Variants in ADGRG6 observed in about 807,000 individuals in gnomAD.
The protein encoded by ADGRG6 is G-protein coupled receptor 126.
ADGRG6 carries 84 observed loss-of-function variants against 142.4 expected under a neutral mutation model. That is an observed-to-expected ratio of 0.59 (90% CI 0.49 to 0.71). The LOEUF (loss-of-function observed/expected upper bound fraction) is 0.71, where lower values mean the gene tolerates loss of function less well. Among genes scored for constraint, ADGRG6 ranks in the 30% least tolerant of loss-of-function variants. The pLI, the probability that ADGRG6 is intolerant of heterozygous loss-of-function variation, is 0.00. For synonymous variants in ADGRG6, 521 were observed against 520.5 expected, an observed-to-expected ratio of 1.00 and a Z score of -0.01; for missense variants, 1,367 against 1,466.6, an observed-to-expected ratio of 0.93 and a Z score of 1.11.
intron 12 of ADGRG6, among the ~76,000 whole-genome samples, chr6:142,402,351 TA>T (rs1344522986): frequency 6.6e-6 from 1 of 152,132 alleles, no homozygotes; most frequent in African/African-American, 2.4e-5. Context: ...AAATATACAC[TA>T]ATTCAGGGAT....
In ADGRG6 at chr6:142,417,306, C is replaced by T. The variant is rs200450467; in HGVS notation, c.2972C>T (p.Ala991Val). 201 of 1,603,284 alleles carry T rather than the reference C, an allele frequency of 1.3e-4. 1 individual carries two copies. Among genetic ancestry groups the T allele is most frequent in the Middle Eastern group, 9.9e-4 (6 of 6,044 alleles). The change falls in exon 21 of 25, where the codon GCG becomes GTG. Residue 991 changes from alanine to valine, a missense_variant. Ala to Val is a moderately conservative substitution (Grantham distance 64, BLOSUM62 0). Transcript: ENST00000367609. ...LPALVVSVVL[A>V]SRNNNEVYGK... ...GCCTTAGTGGTGTCAGTTGTTCTAGCGAGCAGAAACAACAATGAAGTCTAT... is the reference window on the plus strand; with the variant it reads ...GCCTTAGTGGTGTCAGTTGTTCTAGTGAGCAGAAACAACAATGAAGTCTAT...
chr6:142,402,717 A>C lies in ADGRG6; in HGVS notation c.1842A>C (p.Lys614Asn), dbSNP rs1775584189. The C allele has an allele frequency of 1.2e-6, 2 of 1,602,374 alleles. No individual in the cohort carries two copies. Among genetic ancestry groups the C allele is most frequent in the Admixed American group, 1.7e-5 (1 of 59,902 alleles). The change falls in exon 13 of 25, where the codon AAA becomes AAC. Residue 614 changes from lysine to asparagine, a missense_variant. By Grantham distance (94) the Lys-to-Asn change is moderately conservative. Around this residue, in one of 3 missense-constraint regions of ADGRG6, gnomAD observed 737 missense variants for 746.5 expected, o/e 0.99. Transcript: ENST00000367609. ...ANITNIVEQV[K>N]RIVNKEENID... ...TTACCAACATTGTGGAACAGGTCAA[A>C]AGAATTGTGAATAAAGAAGAAAACA...
At chr6:142,324,592 T>C (rs190898025) in intron 2 of ADGRG6, among the ~76,000 whole-genome samples, 1 of 152,186 alleles carries the variant, frequency 6.6e-6, no homozygotes, top group East Asian at 1.9e-4. Context: ...GATAGAAAGA[T>C]AGGTAGTTTT....
In ADGRG6 at chr6:142,445,076, CT is replaced by C. The variant is rs2115236359; in HGVS notation, c.*1565del. ...CACAGCAACCCAAGGGACCTCTCAC[CT>C]TTTGCTGAGCTTCAATCAGGAAGCT... On this transcript the variant is annotated 3_prime_UTR_variant, in exon 25 of 25. Transcript: ENST00000367609. 6.6e-6 allele frequency: 1 copy of C among 152,226 alleles called. No homozygotes were observed. The highest frequency in any genetic ancestry group is 2.4e-5 in the African/African-American group (1 of 41,548). 9.4% of individuals were successfully genotyped at this position (152,226 alleles called of 1,614,324 possible). A position where few individuals can be genotyped will look rare whatever the true frequency, so the allele number is the denominator to read the frequency against.
chr6:142,380,415 G>A (rs1781717431), intron 4 of ADGRG6, among the ~76,000 whole-genome samples: 1 of 152,110 alleles, frequency 6.6e-6, no homozygotes, highest in Non-Finnish European at 1.5e-5. Flanking sequence ...CACCACTCAA[G>A]GTTCTAGTGT....
intron 18 of ADGRG6, among the ~76,000 whole-genome samples, chr6:142,411,671 A>C (rs1011149369): frequency 3.9e-5 from 6 of 152,150 alleles, no homozygotes; most frequent in African/African-American, 1.4e-4. Context: ...CCCAGAAACA[A>C]GAAAATCCTC....
At chr6:142,377,009 A>C (rs74471168) in intron 4 of ADGRG6, among the ~76,000 whole-genome samples, 1,761 of 152,288 alleles carry the variant, frequency 0.012, 38 homozygotes, top group African/African-American at 0.039. Context: ...ATAATTTGGA[A>C]AGTACAACAG....
At chr6:142,357,038 C>G (rs1203917338) in intron 2 of ADGRG6, among the ~76,000 whole-genome samples, 1 of 152,160 alleles carries the variant, frequency 6.6e-6, no homozygotes, top group Non-Finnish European at 1.5e-5. Context: ...AAGTTTAGGT[C>G]TGGGGAAGAT....
intron 24 of ADGRG6, among the ~76,000 whole-genome samples, chr6:142,440,605 G>GT (rs889638457): frequency 6.6e-5 from 10 of 152,058 alleles, no homozygotes; most frequent in African/African-American, 2.2e-4. Context: ...CTTTTGTTTT[G>GT]TTTTTTAAAG....
chr6:142,351,021 G>T (rs1780146210), intron 2 of ADGRG6, among the ~76,000 whole-genome samples: 1 of 152,122 alleles, frequency 6.6e-6, no homozygotes, highest in Non-Finnish European at 1.5e-5. Context: ...GGATCACGAG[G>T]TCAGGAGATT....
intron 4 of ADGRG6, among the ~76,000 whole-genome samples, chr6:142,380,103 G>A (rs1583063264): frequency 6.6e-6 from 1 of 152,294 alleles, no homozygotes; most frequent in Non-Finnish European, 1.5e-5. Context: ...GTTATTATCA[G>A]TAGAAAGGAA....
Position 142,444,287 on chromosome 6 carries a change from T to G in ADGRG6, c.*772T>G, listed in dbSNP as rs1331916610. 5 of 152,308 alleles carry G rather than the reference T, an allele frequency of 3.3e-5. No homozygotes were observed. In the East Asian group the frequency reaches 9.7e-4, roughly 29 times the overall value. The allele number at this position is 152,308 out of a possible 1,614,324, so 9.4% of individuals were successfully genotyped here. On this transcript the variant is annotated 3_prime_UTR_variant, in exon 25 of 25. Transcript: ENST00000367609. ...ATCATTCTGGACCTCCCAGGAGTTGTTTAAGAATGAATCTCTTACACCTCT... is the reference window on the plus strand; with the variant it reads ...ATCATTCTGGACCTCCCAGGAGTTGGTTAAGAATGAATCTCTTACACCTCT...
intron 2 of ADGRG6, among the ~76,000 whole-genome samples, chr6:142,356,209 C>T (rs182299602): frequency 1.3e-5 from 2 of 152,294 alleles, no homozygotes; most frequent in South Asian, 2.1e-4. Context: ...ATCAAGAGCA[C>T]GCTAAAGCAG....
chr6:142,345,208 A>G (rs996383688), intron 2 of ADGRG6, among the ~76,000 whole-genome samples: 2 of 152,086 alleles, frequency 1.3e-5, no homozygotes, highest in Non-Finnish European at 1.5e-5. Context: ...TGATGAATTA[A>G]TAACGTTTTT....
intron 4 of ADGRG6, among the ~76,000 whole-genome samples, chr6:142,378,552 G>C (rs139056035): frequency 3.3e-4 from 51 of 152,320 alleles, no homozygotes; most frequent in African/African-American, 1.2e-3. Context: ...AAGCATTCAA[G>C]ACAAAATTCC....
chr6:142,325,906 G>C (rs949300547), intron 2 of ADGRG6, among the ~76,000 whole-genome samples: 1 of 151,904 alleles, frequency 6.6e-6, no homozygotes, highest in African/African-American at 2.4e-5. Flanking sequence ...ATATAATTCA[G>C]TAGCAAATGC....
At chr6:142,350,323 C>T (rs1267416257) in intron 2 of ADGRG6, among the ~76,000 whole-genome samples, 2 of 152,170 alleles carry the variant, frequency 1.3e-5, no homozygotes, top group Non-Finnish European at 2.9e-5. Context: ...TTAGCGGTGT[C>T]CTCTTGGGCA....
At position 142,420,119 on chromosome 6, in the gene ADGRG6, A is replaced by G. The variant is rs1220675732; in HGVS notation, c.3319+15A>G. 7 of 1,591,944 alleles carry G rather than the reference A, an allele frequency of 4.4e-6. No individual in the cohort carries two copies. The highest frequency in any genetic ancestry group is 5.2e-6 in the Non-Finnish European group (6 of 1,161,648). Reference sequence around the variant, plus strand: ...TTCATTACAAGGTAAGATAAATTGTACATGAATAGTCTCTGCTTTCTAATT... The same window carrying G: ...TTCATTACAAGGTAAGATAAATTGTGCATGAATAGTCTCTGCTTTCTAATT... On this transcript the variant is annotated intron_variant, in intron 22 of 24. Transcript: ENST00000367609.
chr6:142,389,883 T>C (rs1288483924), intron 6 of ADGRG6, among the ~76,000 whole-genome samples: 1 of 151,894 alleles, frequency 6.6e-6, no homozygotes, highest in Non-Finnish European at 1.5e-5. Context: ...TTTATCATTC[T>C]TTATAATGCA....
Sources: allele counts gnomAD v4.1 joint callset (sites outside exome capture counted in the v4.1 genomes callset), GRCh38; gene constraint gnomAD v4.1.1; regional missense constraint gnomAD v4.1.1; transcripts MANE v1.5; gene names NCBI Gene and HGNC (gene_info 2026-07-23, HGNC 2026-07-21).